Variants in ABTB2 observed in about 807,000 individuals in gnomAD.
ABTB2 encodes ankyrin repeat and BTB domain containing 2.
A neutral mutation model predicts 104.1 loss-of-function variants in ABTB2; 56 were observed. The observed-to-expected ratio is 0.54, with a 90% CI of 0.43 to 0.67. The LOEUF is 0.67. Among genes scored for constraint, ABTB2 ranks in the 30% least tolerant of loss-of-function variants. ABTB2 has a pLI of 0.00. For synonymous variants in ABTB2, 606 were observed against 608.2 expected (o/e 1.00, Z 0.05); for missense variants, 1,279 against 1,407.7 (o/e 0.91, Z 1.46).
chr11:34,165,517 G>A (rs1414354308), intron 7 of ABTB2, among the ~76,000 whole-genome samples, 161 bp from the exon 8 acceptor site: 2 of 152,224 alleles, frequency 1.3e-5, no homozygotes, highest in Non-Finnish European at 2.9e-5. Context: ...AGAACTCCAG[G>A]TTATCCTCAG....
intron 1 of ABTB2, among the ~76,000 whole-genome samples, chr11:34,349,025 G>C (rs768344066): frequency 2.0e-5 from 3 of 152,146 alleles, no homozygotes; most frequent in Non-Finnish European, 4.4e-5. Context: ...GGAGTACTTG[G>C]GCTGTGTTCC....
chr11:34,283,691 G>C (rs1170621698), intron 1 of ABTB2, among the ~76,000 whole-genome samples: 1 of 152,212 alleles, frequency 6.6e-6, no homozygotes, highest in Non-Finnish European at 1.5e-5. Flanking sequence ...CCAGCATAGA[G>C]GGTAGCATCA....
chr11:34,248,684 T>G (rs1590229536), intron 1 of ABTB2, among the ~76,000 whole-genome samples: 1 of 152,218 alleles, frequency 6.6e-6, no homozygotes, highest in Non-Finnish European at 1.5e-5. Context: ...ACAAGTTAAT[T>G]AGTTCACAAG....
At chr11:34,324,692 T>C (rs1855047038) in intron 1 of ABTB2, among the ~76,000 whole-genome samples, 1 of 152,250 alleles carries the variant, frequency 6.6e-6, no homozygotes, top group South Asian at 2.1e-4. Flanking sequence ...CTTCTGAGGC[T>C]TGGCATGCAA....
chr11:34,160,398 G>GTGTGTGAACAGCACATCCTCTCTGATGGA (rs1852694257), intron 11 of ABTB2, 45 bp from the exon 12 acceptor site: 1 of 1,425,914 alleles, frequency 7.0e-7, no homozygotes, highest in South Asian at 1.2e-5. Context: ...CGCTGTGGCT[G>GTGTGTGAACAGCACATCCTCTCTGATGGA]GCTGTTCACA....
intron 1 of ABTB2, among the ~76,000 whole-genome samples, chr11:34,352,405 A>T (rs1244739778): frequency 6.6e-6 from 1 of 151,984 alleles, no homozygotes; most frequent in Non-Finnish European, 1.5e-5. Flanking sequence ...CCTGCCCTTT[A>T]AAAAAAATAT....
At chr11:34,332,814 A>G (rs1341162791) in intron 1 of ABTB2, among the ~76,000 whole-genome samples, 2 of 151,526 alleles carry the variant, frequency 1.3e-5, no homozygotes, top group Non-Finnish European at 2.9e-5. Context: ...AACTGGTTTC[A>G]GTTAAAAAAA....
intron 7 of ABTB2, 132 bp from the exon 8 acceptor site, chr11:34,165,488 G>A: frequency 1.5e-6 from 1 of 667,870 alleles, no homozygotes; most frequent in Non-Finnish European, 2.5e-6. Flanking sequence ...CACCCCAGCA[G>A]CTGAGGAACT....
intron 10 of ABTB2, 67 bp downstream of exon 10, chr11:34,162,490 TCAGGCCTGCTGAAGAGCAG>T: frequency 7.1e-7 from 1 of 1,415,456 alleles, no homozygotes; most frequent in Non-Finnish European, 9.7e-7. Flanking sequence ...CCTGGCCCTC[TCAGGCCTGCTGAAGAGCAG>T]CAGGGAGTGA....
At chr11:34,301,177 C>G (rs1854701122) in intron 1 of ABTB2, among the ~76,000 whole-genome samples, 1 of 152,196 alleles carries the variant, frequency 6.6e-6, no homozygotes, top group Non-Finnish European at 1.5e-5. Flanking sequence ...CTGACAGCAT[C>G]TTGGTCCACC....
chr11:34,284,256 T>A (rs930388377), intron 1 of ABTB2, among the ~76,000 whole-genome samples: 1 of 152,242 alleles, frequency 6.6e-6, no homozygotes, highest in Non-Finnish European at 1.5e-5. Flanking sequence ...AGGGCAGAGA[T>A]GGCTCAGCTT....
At chr11:34,228,667 G>A (rs1007480896) in intron 1 of ABTB2, among the ~76,000 whole-genome samples, 6 of 152,070 alleles carry the variant, frequency 3.9e-5, no homozygotes, top group Admixed American at 1.3e-4. Flanking sequence ...ATGTGCCACC[G>A]CACCCAGCCT....
intron 1 of ABTB2, among the ~76,000 whole-genome samples, chr11:34,208,173 C>T (rs1853432402): frequency 6.6e-6 from 1 of 152,208 alleles, no homozygotes; most frequent in Non-Finnish European, 1.5e-5. Flanking sequence ...TCGATGTGTT[C>T]CTTTCCCCAC....
intron 1 of ABTB2, among the ~76,000 whole-genome samples, chr11:34,233,311 G>T (rs1279854133): frequency 1.4e-5 from 2 of 147,416 alleles, no homozygotes; most frequent in East Asian, 4.0e-4. Context: ...AAGGGAAATG[G>T]CATGATCATG....
At chr11:34,237,847 G>C (rs1349055191) in intron 1 of ABTB2, among the ~76,000 whole-genome samples, 1 of 152,102 alleles carries the variant, frequency 6.6e-6, no homozygotes, top group Non-Finnish European at 1.5e-5. Flanking sequence ...GCAGTGGGCC[G>C]AGATCGCACC....
rs540103014 is a variant in ABTB2 at position 34,357,327 on chromosome 11, G to A, written c.257C>T (p.Ser86Leu). 28 of 1,518,922 alleles carry A rather than the reference G, an allele frequency of 1.8e-5. No homozygotes were observed. The South Asian group carries it at 3.0e-4, about 16-fold the overall frequency. 94.1% of individuals were successfully genotyped at this position (1,518,922 alleles called of 1,614,324 possible). The change falls in exon 1 of 17, where the codon TCG (serine) becomes TTG (leucine). Residue 86 changes from serine (S) to leucine (L), a missense_variant. Coordinates refer to ENST00000435224, the MANE Select transcript of ABTB2 (RefSeq NM_145804.3). ...CAGCTCGGGGAGCCGCGGACAGCGC[G>A]AGAAGAGGTCGGCCACTTCGGGGTC... ...PEDPEVADLF[S>L]RCPRLPELEE... is the part of the protein sequence containing the mutation.
chr11:34,154,683 C>T lies in ABTB2; in HGVS notation c.2766+18G>A, dbSNP rs1852596628. On this transcript the variant is annotated intron_variant, in intron 15 of 16. Transcript: ENST00000435224. The surrounding 1 kb of genome is among the most constrained non-coding windows in gnomAD (Gnocchi z 4.9). The stretch of plus-strand genomic sequence containing the variant: ...GGGCACCCTAGCCCAGGCCCCCTCC[C>T]CCTCTCCCGAGTCTCACCTCCAGGA... 4 of 1,613,724 alleles carry T rather than the reference C, an allele frequency of 2.5e-6. No homozygotes were observed. In the South Asian group the frequency reaches 4.4e-5, roughly 18 times the overall value.
At position 34,355,711 on chromosome 11, in the gene ABTB2, T is replaced by C. The variant is rs541953308; in HGVS notation, c.883+990A>G. The stretch of plus-strand genomic sequence containing the variant: ...ATCAGATCGTAAGGCTGTTTAACCA[T>C]AATACCATTCTGAACAGTTTATGGT... On this transcript the variant is annotated intron_variant, in intron 1 of 16. Coordinates refer to ENST00000435224, the MANE Select transcript of ABTB2 (RefSeq NM_145804.3). 1.7e-4 allele frequency among the ~76,000 whole-genome samples: 26 copies of C among 152,282 alleles called. No individual in the cohort carries two copies. In the South Asian group the frequency reaches 5.4e-3, roughly 32 times the overall value.
rs1325179700 is a variant in ABTB2 at position 34,154,719 on chromosome 11, G to A, written c.2748C>T (p.Pro916=). Reference sequence around the variant, plus strand: ...GTCTCACCTCCAGGATGTCAGTGGTGGGGATCTCCATGGATTCTGTTCCTC... The same window carrying A: ...GTCTCACCTCCAGGATGTCAGTGGTAGGGATCTCCATGGATTCTGTTCCTC... The part of the protein sequence containing the change: ...YYGGTESMEI[P]TTDILELLSA... Residue 916 remains proline, a synonymous_variant, in exon 15 of 17, where the codon CCC becomes CCT. Transcript: ENST00000435224. This position sits in a 1 kb window ranked among gnomAD's most constrained non-coding sequence, Gnocchi z 4.9. The A allele has an allele frequency of 6.2e-7, 1 of 1,614,170 alleles. No homozygotes were observed.
Sources: allele counts gnomAD v4.1 joint callset (sites outside exome capture counted in the v4.1 genomes callset), GRCh38; gene constraint gnomAD v4.1.1; non-coding constraint Gnocchi (gnomAD v3.1); transcripts MANE v1.5; gene names NCBI Gene and HGNC (gene_info 2026-07-23, HGNC 2026-07-21).